GAP43: variants seen among roughly 807,000 people sequenced by gnomAD.
GAP43 encodes the protein growth associated protein 43.
A neutral mutation model predicts 18.6 loss-of-function variants in GAP43; 6 were observed. The ratio of observed to expected loss-of-function variants is 0.32; its 90% CI spans 0.18 to 0.64. The LOEUF (loss-of-function observed/expected upper bound fraction) is 0.64, where lower values mean the gene tolerates loss of function less well. Among genes scored for constraint, GAP43 ranks in the 30% least tolerant of loss-of-function variants. The probability of loss-of-function intolerance (pLI) is 0.78; values close to 1 mark genes in which losing one functional copy is unlikely to be tolerated. For missense variants in GAP43, 292 were observed against 295.5 expected, an observed-to-expected ratio of 0.99 and a Z score of 0.09; for synonymous variants, 115 against 111.4, an observed-to-expected ratio of 1.03 and a Z score of -0.20.
Position 115,711,151 on chromosome 3 carries a change from G to A in GAP43, c.629-9643G>A, listed in dbSNP as rs115633484. On this transcript the variant is annotated intron_variant, in intron 2 of 2. Transcript: ENST00000305124. ...AATTGGGTGTTAAAGTATCTCTTAC[G>A]TTCCTCCAAGCTTTAGATTTCTGTG... is the stretch of plus-strand genomic sequence containing the variant. 7.1e-3 allele frequency among the ~76,000 whole-genome samples: 1,081 copies of A among 152,110 alleles called. 5 individuals are homozygous for A. Among genetic ancestry groups the A allele is most frequent in the Admixed American group, 0.014 (210 of 15,262 alleles).
At chr3:115,675,877 G>C (rs1250107178) in intron 1 of GAP43, 136 bp from the exon 2 acceptor site, 3 of 1,220,216 alleles carry the variant, frequency 2.5e-6, no homozygotes, top group Non-Finnish European at 3.4e-6. Flanking sequence ...AACTTCCAGG[G>C]TACTGTTGAA....
At chr3:115,683,100 TTTTC>T (rs935942108) in intron 2 of GAP43, among the ~76,000 whole-genome samples, 22 of 150,728 alleles carry the variant, frequency 1.5e-4, no homozygotes, top group African/African-American at 5.1e-4. Flanking sequence ...CATAAAATAT[TTTTC>T]TTTTTTCTCT....
intron 2 of GAP43, among the ~76,000 whole-genome samples, chr3:115,677,418 C>T (rs751298742): frequency 6.6e-6 from 1 of 152,106 alleles, no homozygotes; most frequent in Non-Finnish European, 1.5e-5. Flanking sequence ...GGAGCTGTAA[C>T]TTGAAAGTTG....
intron 2 of GAP43, among the ~76,000 whole-genome samples, chr3:115,688,966 G>A (rs544652556): frequency 6.6e-6 from 1 of 152,282 alleles, no homozygotes; most frequent in South Asian, 2.1e-4. Context: ...ATGTCCTTCT[G>A]CTCAGCCCTT....
At chr3:115,641,302 C>G (rs1559789959) in intron 1 of GAP43, among the ~76,000 whole-genome samples, 1 of 151,728 alleles carries the variant, frequency 6.6e-6, no homozygotes, top group Non-Finnish European at 1.5e-5. Flanking sequence ...ACTATAGTAA[C>G]CTCCTTAGCA....
intron 2 of GAP43, among the ~76,000 whole-genome samples, chr3:115,707,638 T>C (rs922081506): frequency 2.6e-5 from 4 of 152,162 alleles, no homozygotes; most frequent in Admixed American, 2.6e-4. Flanking sequence ...GAATCAACTC[T>C]CTTAACTACT....
chr3:115,715,652 C>G (rs939115805), intron 2 of GAP43, among the ~76,000 whole-genome samples: 3 of 152,216 alleles, frequency 2.0e-5, no homozygotes, highest in African/African-American at 7.2e-5. Context: ...TAACTCATCT[C>G]TAGCATTTAC....
intron 1 of GAP43, among the ~76,000 whole-genome samples, chr3:115,649,826 G>GAAAC (rs1708501104): frequency 7.1e-6 from 1 of 139,902 alleles, no homozygotes; most frequent in South Asian, 2.4e-4. Context: ...AAAAAAAAAA[G>GAAAC]AAAGAAAGAA....
chr3:115,625,295 G>C (rs932999905), intron 1 of GAP43, among the ~76,000 whole-genome samples: 1 of 151,852 alleles, frequency 6.6e-6, no homozygotes, highest in Non-Finnish European at 1.5e-5. Context: ...GATTGAGTTG[G>C]GGGCGGTATT....
At position 115,712,375 on chromosome 3, in the gene GAP43, G is replaced by C. The variant is rs143349184; in HGVS notation, c.629-8419G>C. On this transcript the variant is annotated intron_variant, in intron 2 of 2. Transcript: ENST00000305124. ...AGGGGAGAAGGTCTCTTAATCATCT[G>C]TCTGGGAAAGAAGTTTTTTGGTGGG... is the stretch of plus-strand genomic sequence containing the variant. Among the ~76,000 whole-genome samples the C allele has an allele frequency of 5.7e-4, 87 of 152,220 alleles. 1 individual carries two copies. The highest frequency in any genetic ancestry group is 2.1e-3 in the African/African-American group (87 of 41,538).
intron 2 of GAP43, among the ~76,000 whole-genome samples, chr3:115,686,381 G>A: frequency 6.6e-6 from 1 of 152,156 alleles, no homozygotes; most frequent in Admixed American, 6.6e-5. Flanking sequence ...ACTTGCTAAA[G>A]GTTAAGGAAG....
rs549128955 is a variant in GAP43, at chr3:115,672,732, CCCTCTCCTCT to C, written c.31-3252_31-3243del. On this transcript the variant is annotated intron_variant, in intron 1 of 2. Transcript: ENST00000305124. Reference sequence around the variant, plus strand: ...TCATTTCTTCATCTCCTTCCCACATCCCTCTCCTCTCCTCTCCTCTCCTCTCCTCTCCTCT... The same window carrying C: ...TCATTTCTTCATCTCCTTCCCACATCCCTCTCCTCTCCTCTCCTCTCCTCT... 1.3e-3 allele frequency among the ~76,000 whole-genome samples: 141 copies of C among 107,548 alleles called. 5 individuals carry two copies. The South Asian group carries it at 0.036, about 28-fold the overall frequency. The allele number at this position is 107,548 out of a possible 152,430, so 70.6% of individuals were successfully genotyped here.
chr3:115,674,179 A>G (rs1293195149), intron 1 of GAP43, among the ~76,000 whole-genome samples: 1 of 152,188 alleles, frequency 6.6e-6, no homozygotes, highest in Non-Finnish European at 1.5e-5. Context: ...AGAGGCGCCG[A>G]ACATGTTACA....
chr3:115,648,140 G>A (rs1708479846), intron 1 of GAP43, among the ~76,000 whole-genome samples: 2 of 152,058 alleles, frequency 1.3e-5, no homozygotes, highest in African/African-American at 4.8e-5. Context: ...GGCTCGTCAT[G>A]GAAGTAGTCC....
chr3:115,629,676 C>A (rs1000491570), intron 1 of GAP43, among the ~76,000 whole-genome samples: 1 of 152,154 alleles, frequency 6.6e-6, no homozygotes, highest in Admixed American at 6.5e-5. Flanking sequence ...GGTGTCTACC[C>A]TGTGAGCTTC....
chr3:115,631,777 C>T (rs773568453), intron 1 of GAP43, among the ~76,000 whole-genome samples: 2 of 152,148 alleles, frequency 1.3e-5, no homozygotes, highest in African/African-American at 2.4e-5. Context: ...CATGCCACCA[C>T]GCCTGGCTCA....
At chr3:115,684,454 T>A (rs866960705) in intron 2 of GAP43, among the ~76,000 whole-genome samples, 21 of 152,318 alleles carry the variant, frequency 1.4e-4, no homozygotes, top group Middle Eastern at 6.8e-3. Flanking sequence ...TATCCATGCC[T>A]GTAGTATACC....
Position 115,721,023 on chromosome 3 carries a change from C to A in GAP43, c.*141C>A. ...CTGTCCTTTCCCACCCACTAGCCCT[C>A]TTTCTCTCTGTGTGGCAAACATTTA... On this transcript the variant is annotated 3_prime_UTR_variant, in exon 3 of 3. Coordinates refer to ENST00000305124, the MANE Select transcript of GAP43 (RefSeq NM_002045.4). 2.5e-6 allele frequency: 1 copy of A among 398,402 alleles called. No homozygotes were observed. The highest frequency in any genetic ancestry group is 4.6e-6 in the Non-Finnish European group (1 of 217,338). 24.7% of individuals were successfully genotyped at this position (398,402 alleles called of 1,614,324 possible).
intron 1 of GAP43, among the ~76,000 whole-genome samples, chr3:115,670,974 T>C (rs1464078637): frequency 6.6e-6 from 1 of 152,184 alleles, no homozygotes; most frequent in Non-Finnish European, 1.5e-5. Flanking sequence ...TTCAATACTA[T>C]TTTTTAAAAA....
Sources: gnomAD v4.1 joint callset for allele counts (sites outside exome capture counted in the v4.1 genomes callset) on GRCh38, gnomAD v4.1.1 for gene constraint, MANE v1.5 for transcripts, NCBI Gene and HGNC (gene_info 2026-07-23, HGNC 2026-07-21) for gene names.